Variants in NEK11 observed in about 807,000 individuals in gnomAD.
NEK11 encodes the protein NIMA related kinase 11.
Under a neutral mutation model 80.7 loss-of-function variants are expected in NEK11, and 72 were observed. The ratio of observed to expected loss-of-function variants is 0.89; its 90% CI spans 0.74 to 1.08. NEK11 has a LOEUF of 1.08. Ranked by LOEUF, NEK11 falls within the 50% of genes least tolerant of loss-of-function variation. NEK11 has a pLI of 0.00. For synonymous variants in NEK11, 251 were observed against 260.7 expected (o/e 0.96, Z 0.36); for missense variants, 764 against 763.6 (o/e 1.00, Z -0.01).
At chr3:131,109,597 T>C in intron 4 of NEK11, 1 of 493,666 alleles carries the variant, frequency 2.0e-6, no homozygotes, top group Admixed American at 4.3e-5. Flanking sequence ...TGTTAAAGTC[T>C]TTATAGGTTA....
intron 17 of NEK11, among the ~76,000 whole-genome samples, chr3:131,304,887 G>A (rs941101623): frequency 6.6e-6 from 1 of 152,134 alleles, no homozygotes; most frequent in Non-Finnish European, 1.5e-5. Context: ...GGGTATACAT[G>A]TGTCAGCTGG....
At chr3:131,296,335 A>G (rs959291433) in intron 17 of NEK11, among the ~76,000 whole-genome samples, 1 of 152,132 alleles carries the variant, frequency 6.6e-6, no homozygotes, top group Non-Finnish European at 1.5e-5. Context: ...CATTTTTACT[A>G]TTATTATTAG....
At chr3:131,029,373 T>A (rs1481943705) in intron 2 of NEK11, among the ~76,000 whole-genome samples, 1 of 152,232 alleles carries the variant, frequency 6.6e-6, no homozygotes, top group Non-Finnish European at 1.5e-5. Context: ...CCCAGAAATT[T>A]GTGGAAAGTT....
chr3:131,203,958 A>T (rs559090552), intron 14 of NEK11, among the ~76,000 whole-genome samples: 2 of 151,666 alleles, frequency 1.3e-5, no homozygotes, highest in South Asian at 4.2e-4. Flanking sequence ...ATTGTGAGTC[A>T]TAAGACCTTC....
At position 131,205,281 on chromosome 3, in the gene NEK11, A is replaced by G. The variant is rs1307093790; in HGVS notation, c.1400-23247A>G. On this transcript the variant is annotated intron_variant, in intron 14 of 17. Transcript: ENST00000383366. ...TGTTGGTCCAAAGTGTTGACAGCCA[A>G]CAAGTGTTGGAATGCACTTTTGAAT... 3.3e-5 allele frequency among the ~76,000 whole-genome samples: 5 copies of G among 152,222 alleles called. No homozygotes were observed. The East Asian group carries it at 7.7e-4, about 23-fold the overall frequency.
chr3:131,170,927 T>A (rs757419562), intron 14 of NEK11, 40 bp downstream of exon 14: 10 of 1,462,496 alleles, frequency 6.8e-6, no homozygotes, highest in Non-Finnish European at 9.6e-6. Context: ...TGCTCACAGC[T>A]GCTGCACAGG....
At chr3:131,254,102 AGTT>A (rs1172666072) in intron 16 of NEK11, among the ~76,000 whole-genome samples, 1 of 152,174 alleles carries the variant, frequency 6.6e-6, no homozygotes, top group Non-Finnish European at 1.5e-5. Context: ...GTTTTAAAGA[AGTT>A]GTAGAAATTT....
At chr3:131,327,428 A>G (rs1050983383) in intron 17 of NEK11, 4 of 152,340 alleles carry the variant, frequency 2.6e-5, no homozygotes, top group Non-Finnish European at 5.9e-5. Context: ...ACAGGCCAGG[A>G]GACAGGGATC....
intron 10 of NEK11, 31 bp from the exon 11 acceptor site, chr3:131,162,377 G>A: frequency 6.2e-7 from 1 of 1,609,084 alleles, no homozygotes; most frequent in Non-Finnish European, 8.5e-7. Context: ...TTTGGGATGG[G>A]CTATATGAGG....
intron 16 of NEK11, among the ~76,000 whole-genome samples, chr3:131,270,421 A>C (rs1021892583): frequency 1.3e-5 from 2 of 152,176 alleles, no homozygotes; most frequent in Non-Finnish European, 2.9e-5. Flanking sequence ...GCATTTTAAC[A>C]AGATCCCTGG....
chr3:131,119,248 A>G (rs924775706), intron 5 of NEK11, among the ~76,000 whole-genome samples: 5 of 152,212 alleles, frequency 3.3e-5, no homozygotes, highest in African/African-American at 9.7e-5. Flanking sequence ...ATTCAAGAGC[A>G]GGTTGTTTAG....
At position 131,029,659 on chromosome 3, in the gene NEK11, A is replaced by G. The variant is rs746432584; in HGVS notation, c.-50A>G. On this transcript the variant is annotated 5_prime_UTR_variant, in exon 3 of 18. Transcript: ENST00000383366. Reference sequence around the variant, plus strand: ...ATTTGACCATTTCTTAGGAGACTGGAATGTTAAGTTTCTATAAATGAATGA... The same window carrying G: ...ATTTGACCATTTCTTAGGAGACTGGGATGTTAAGTTTCTATAAATGAATGA... 5.8e-6 allele frequency: 9 copies of G among 1,554,252 alleles called. No homozygotes were observed. The highest frequency in any genetic ancestry group is 7.9e-6 in the Non-Finnish European group (9 of 1,132,160).
At chr3:131,137,400 T>A (rs1166741576) in intron 7 of NEK11, among the ~76,000 whole-genome samples, 1 of 152,094 alleles carries the variant, frequency 6.6e-6, no homozygotes, top group Admixed American at 6.6e-5. Flanking sequence ...GCATTTCCTG[T>A]AACTAAAATG....
At chr3:131,238,368 A>G (rs1048044618) in intron 15 of NEK11, among the ~76,000 whole-genome samples, 1 of 152,120 alleles carries the variant, frequency 6.6e-6, no homozygotes, top group Non-Finnish European at 1.5e-5. Context: ...TTTCACTGCT[A>G]TATTCCCAGC....
At chr3:131,257,201 G>T (rs534257910) in intron 16 of NEK11, among the ~76,000 whole-genome samples, 16 of 147,092 alleles carry the variant, frequency 1.1e-4, no homozygotes, top group African/African-American at 3.8e-4. Context: ...TTGCCATGTT[G>T]CTCAGGCTGG....
intron 14 of NEK11, chr3:131,174,851 G>A: frequency 6.3e-7 from 1 of 1,580,858 alleles, no homozygotes; most frequent in East Asian, 2.3e-5. Context: ...CAAGGAGCAT[G>A]ACTCCCTACC....
At chr3:131,261,875 G>A (rs2095928223) in intron 16 of NEK11, among the ~76,000 whole-genome samples, 1 of 151,760 alleles carries the variant, frequency 6.6e-6, no homozygotes, top group Non-Finnish European at 1.5e-5. Context: ...TAAAATATAT[G>A]GCTTAAAAAA....
rs188418396 is a variant in NEK11 at position 131,276,658 on chromosome 3, G to A, written c.1718+3084G>A. On this transcript the variant is annotated intron_variant, in intron 17 of 17. Coordinates refer to ENST00000383366, the MANE Select transcript of NEK11 (RefSeq NM_024800.5). ...TATAAATTATTATTATTACTGATCCGTTTGAGAATAGATTCCATGCTTCAT... is the reference window on the plus strand; with the variant it reads ...TATAAATTATTATTATTACTGATCCATTTGAGAATAGATTCCATGCTTCAT... Among the ~76,000 whole-genome samples, 19 of 151,598 alleles carry A rather than the reference G, an allele frequency of 1.3e-4. No individual in the cohort carries two copies. The East Asian group carries it at 1.7e-3, about 14-fold the overall frequency.
At chr3:131,271,820 G>C (rs751763980) in intron 16 of NEK11, among the ~76,000 whole-genome samples, 20 of 150,322 alleles carry the variant, frequency 1.3e-4, no homozygotes, top group Non-Finnish European at 2.8e-4. Flanking sequence ...GTCGGGTGTG[G>C]TGGCTCACGC....
Sources: gnomAD v4.1 joint callset for allele counts (sites outside exome capture counted in the v4.1 genomes callset) on GRCh38, gnomAD v4.1.1 for gene constraint, MANE v1.5 for transcripts, NCBI Gene and HGNC (gene_info 2026-07-23, HGNC 2026-07-21) for gene names.